P2RX6: variants seen among roughly 807,000 people sequenced by gnomAD.
P2RX6 encodes purinergic receptor P2X 6.
A neutral mutation model predicts 54.2 loss-of-function variants in P2RX6; 62 were observed. The ratio of observed to expected loss-of-function variants is 1.14; its 90% CI spans 0.93 to 1.41. P2RX6 has a LOEUF of 1.41. Among genes scored for constraint, P2RX6 ranks in the 40% most tolerant of loss-of-function variants. P2RX6 has a pLI of 0.00. For synonymous variants in P2RX6, 211 were observed against 231.9 expected (o/e 0.91, Z 0.82); for missense variants, 541 against 566.3 (o/e 0.96, Z 0.45).
intron 4 of P2RX6, 24 bp from the exon 5 acceptor site, chr22:21,022,918 T>C (rs780856642): frequency 6.3e-7 from 1 of 1,597,914 alleles, no homozygotes; most frequent in South Asian, 1.1e-5. Context: ...TTTGAAGGTC[T>C]GGAGTTCATC....
chr22:21,025,106 C>T (rs1222065317), intron 8 of P2RX6, among the ~76,000 whole-genome samples: 1 of 148,670 alleles, frequency 6.7e-6, no homozygotes, highest in Non-Finnish European at 1.5e-5. Context: ...GTCTCGAACT[C>T]CTGACCTCAG....
chr22:21,022,429 C>G (rs1160230251), intron 3 of P2RX6, among the ~76,000 whole-genome samples: 1 of 152,170 alleles, frequency 6.6e-6, no homozygotes, highest in African/African-American at 2.4e-5. Flanking sequence ...CTTTGAAATA[C>G]AGTACTGTAC....
Position 21,026,846 on chromosome 22 carries a change from C to A in P2RX6, c.*229C>A. 3.5e-6 allele frequency: 3 copies of A among 848,208 alleles called. No homozygotes were observed. The highest frequency in any genetic ancestry group is 5.3e-6 in the Non-Finnish European group (3 of 568,974). The allele number at this position is 848,208 out of a possible 1,614,324, so 52.5% of individuals were successfully genotyped here. A position where few individuals can be genotyped will look rare whatever the true frequency, so the allele number is the denominator to read the frequency against. ...ACCTGACCCGTGGAGACTGGGAGAG[C>A]CCAGCAGGCACCTGTATTGCAGGGC... On this transcript the variant is annotated 3_prime_UTR_variant, in exon 12 of 12. Transcript: ENST00000413302. The surrounding 1 kb of genome is among the most constrained non-coding windows in gnomAD (Gnocchi z 4.0).
intron 3 of P2RX6, chr22:21,018,674 C>G (rs867943439): frequency 6.5e-6 from 1 of 154,856 alleles, no homozygotes; most frequent in Middle Eastern, 3.4e-3. Context: ...AGTGCAGTGG[C>G]AGATATCAGC....
At chr22:21,022,642 G>A (rs1202708196) in intron 3 of P2RX6, 34 bp from the exon 4 acceptor site, 2 of 1,463,388 alleles carry the variant, frequency 1.4e-6, no homozygotes, top group African/African-American at 1.4e-5. Context: ...GACATCCCCT[G>A]TGCCATTGGT....
upstream of P2RX6, among the ~76,000 whole-genome samples, chr22:21,010,839 T>A (rs1400524590): frequency 1.3e-5 from 2 of 151,882 alleles, no homozygotes. Context: ...TGGCCACGCT[T>A]CCCTGGCTCC....
At position 21,024,229 on chromosome 22, in the gene P2RX6, G is replaced by C. The variant is rs114932133; in HGVS notation, c.890+611G>C. ...CCACCTCAGCCTCCCGAAGGGCTAG[G>C]ATTACAGACGTAAACCACCATGTCT... On this transcript the variant is annotated intron_variant, in intron 8 of 11. Coordinates refer to ENST00000413302, the MANE Select transcript of P2RX6 (RefSeq NM_005446.5). Among the ~76,000 whole-genome samples, 710 of 150,920 alleles carry C rather than the reference G, an allele frequency of 4.7e-3. 4 individuals are homozygous for C. Among genetic ancestry groups the C allele is most frequent in the African/African-American group, 0.017 (687 of 41,016 alleles).
chr22:21,023,145 CT>C lies in P2RX6; in HGVS notation c.587del (p.Phe196SerfsTer69). 6.2e-7 allele frequency: 1 copy of C among 1,613,844 alleles called. No homozygotes were observed. Among genetic ancestry groups the C allele is most frequent in the Non-Finnish European group, 8.5e-7 (1 of 1,179,836 alleles). On this transcript the variant is annotated frameshift_variant, in exon 6 of 12. Transcript: ENST00000413302. LOFTEE classifies it high-confidence loss of function. ...GGCCCCTGCTGGCCCAGGCCCAGAA[CT>C]TCACACTGTTCATCAAAAACACAGT... is the stretch of plus-strand genomic sequence containing the variant. ...SRPLLAQAQN[F>X]TLFIKNTVTF...
rs1569168160 is a variant in P2RX6, at chr22:21,015,352, G to A, written c.164+14G>A. 5.2e-6 allele frequency: 8 copies of A among 1,541,700 alleles called. No individual in the cohort carries two copies. Among genetic ancestry groups the A allele is most frequent in the Non-Finnish European group, 6.9e-6 (8 of 1,155,042 alleles). On this transcript the variant is annotated intron_variant, in intron 1 of 11. Coordinates refer to ENST00000413302, the MANE Select transcript of P2RX6 (RefSeq NM_005446.5). ...CTATGTGGTAGGGTAAGAGAGAAGAGCTTTTGGCCAGGCTGGAGGGGCAAG... is the reference window on the plus strand; with the variant it reads ...CTATGTGGTAGGGTAAGAGAGAAGAACTTTTGGCCAGGCTGGAGGGGCAAG...
intron 3 of P2RX6, chr22:21,018,347 C>T (rs1445192606): frequency 7.1e-6 from 3 of 419,908 alleles, no homozygotes; most frequent in Non-Finnish European, 9.0e-6. Context: ...GGACCCCGAG[C>T]TCTGGGCAGC....
At chr22:21,019,224 C>A (rs965996460) in intron 3 of P2RX6, among the ~76,000 whole-genome samples, 32 of 152,196 alleles carry the variant, frequency 2.1e-4, no homozygotes, top group African/African-American at 7.2e-4. Flanking sequence ...AGACAGCTGT[C>A]CCCTGAGCCC....
At chr22:21,022,597 A>G (rs995111634) in intron 3 of P2RX6, 79 bp from the exon 4 acceptor site, 5 of 1,135,764 alleles carry the variant, frequency 4.4e-6, no homozygotes, top group Admixed American at 6.8e-5. Context: ...CCCACCTTGA[A>G]CCTCCCTGCC....
At chr22:21,012,370 C>T (rs1490656186), upstream of P2RX6, among the ~76,000 whole-genome samples, 2 of 152,174 alleles carry the variant, frequency 1.3e-5, no homozygotes, top group Non-Finnish European at 2.9e-5. Context: ...GGTCTAACTC[C>T]ACCCCACATA....
chr22:21,023,067 G>A, intron 5 of P2RX6, 32 bp downstream of exon 5: 1 of 1,611,922 alleles, frequency 6.2e-7, no homozygotes, highest in Non-Finnish European at 8.5e-7. Flanking sequence ...TACCCCAACT[G>A]GCGCAGGGCC....
upstream of P2RX6, chr22:21,012,657 C>T (rs1445676989): frequency 3.8e-6 from 2 of 525,466 alleles, no homozygotes; most frequent in Non-Finnish European, 7.2e-6. Context: ...GAGACCGGCG[C>T]CCTGGGACAG....
chr22:21,017,837 C>T (rs1201915156), intron 2 of P2RX6, 152 bp from the exon 3 acceptor site: 8 of 701,334 alleles, frequency 1.1e-5, no homozygotes, highest in Non-Finnish European at 1.9e-5. Flanking sequence ...CCACTGCCAG[C>T]CTCCCATCTC....
intron 3 of P2RX6, among the ~76,000 whole-genome samples, chr22:21,021,794 C>T (rs1412553823): frequency 6.6e-6 from 1 of 152,108 alleles, no homozygotes; most frequent in Non-Finnish European, 1.5e-5. Context: ...TGCCAGAGCC[C>T]CATAGTCCTA....
At position 21,022,202 on chromosome 22, in the gene P2RX6, T is replaced by C. The variant is rs578254170; in HGVS notation, c.388-474T>C. Reference sequence around the variant, plus strand: ...GGTCAACATAGCAAGACTCCATCTCTACAAAAAAAAAATATTAAAAAATCA... The same window carrying C: ...GGTCAACATAGCAAGACTCCATCTCCACAAAAAAAAAATATTAAAAAATCA... On this transcript the variant is annotated intron_variant, in intron 3 of 11. Transcript: ENST00000413302. Among the ~76,000 whole-genome samples, 35 of 151,588 alleles carry C rather than the reference T, an allele frequency of 2.3e-4. 1 individual carries two copies. The East Asian group carries it at 5.4e-3, about 24-fold the overall frequency.
chr22:21,011,611 T>A (rs1925740635), upstream of P2RX6: 3 of 712,758 alleles, frequency 4.2e-6, no homozygotes, highest in Non-Finnish European at 7.8e-6. Context: ...GAGCCACTCC[T>A]CAGCCAGTGG....
Sources: allele counts gnomAD v4.1 joint callset (sites outside exome capture counted in the v4.1 genomes callset), GRCh38; gene constraint gnomAD v4.1.1; non-coding constraint Gnocchi (gnomAD v3.1); transcripts MANE v1.5; gene names NCBI Gene and HGNC (gene_info 2026-07-23, HGNC 2026-07-21).